SLC4A7: variants seen among roughly 807,000 people sequenced by gnomAD.
The protein encoded by SLC4A7 is solute carrier family 4 member 7.
Under a neutral mutation model 137.6 loss-of-function variants are expected in SLC4A7, and 51 were observed. That is an observed-to-expected ratio of 0.37 (90% CI 0.30 to 0.47). The LOEUF is 0.47. SLC4A7 is among the 20% of genes least tolerant of loss of function. SLC4A7 has a pLI of 1.00. For missense variants in SLC4A7, 1,247 were observed against 1,525.4 expected, an observed-to-expected ratio of 0.82 and a Z score of 3.04; for synonymous variants, 542 against 518.6, an observed-to-expected ratio of 1.05 and a Z score of -0.61.
chr3:27,376,851 T>C lies in SLC4A7; in HGVS notation c.3699-6A>G. The C allele has an allele frequency of 7.0e-7, 1 of 1,427,958 alleles. No homozygotes were observed. 88.5% of individuals were successfully genotyped at this position (1,427,958 alleles called of 1,614,324 possible). ...CACTCACAGGTTTATCAGGACTATT[T>C]AAAACAAAGAATTAAAATAAATAAT... On this transcript the variant is annotated splice_region_variant and splice_polypyrimidine_tract_variant and intron_variant, in intron 25 of 25. Transcript: ENST00000454389.
rs951268786 is a variant in SLC4A7, at chr3:27,472,437, T to C, written c.60+11630A>G. On this transcript the variant is annotated intron_variant, in intron 1 of 25. Coordinates refer to ENST00000454389, the MANE Select transcript of SLC4A7 (RefSeq NM_001321103.2). ...ACCCCATCTGTATGGGTTGCGTCACTGCACTCCAGCCTGGGCGACAGAATG... is the reference window on the plus strand; with the variant it reads ...ACCCCATCTGTATGGGTTGCGTCACCGCACTCCAGCCTGGGCGACAGAATG... Among the ~76,000 whole-genome samples the C allele has an allele frequency of 1.1e-4, 17 of 152,004 alleles. 1 individual carries two copies. Among genetic ancestry groups the C allele is most frequent in the Admixed American group, 7.9e-4 (12 of 15,256 alleles).
In SLC4A7 at chr3:27,431,553, T is replaced by C. The variant is rs772459349; in HGVS notation, c.895A>G (p.Arg299Gly). 5.6e-6 allele frequency: 9 copies of C among 1,614,078 alleles called. No individual in the cohort carries two copies. The highest frequency in any genetic ancestry group is 7.6e-6 in the Non-Finnish European group (9 of 1,179,984). Residue 299 changes from arginine to glycine, a missense_variant, in exon 7 of 26, where the codon AGA (arginine) becomes GGA (glycine). Arg to Gly is a moderately radical substitution (Grantham distance 125, BLOSUM62 -2). Coordinates refer to ENST00000454389, the MANE Select transcript of SLC4A7 (RefSeq NM_001321103.2). ...LLLGHLLPSS[R>G]AGTPAGSRCT... The stretch of plus-strand genomic sequence containing the variant: ...CTTGAGCCTGCAGGGGTTCCAGCTC[T>C]TGAAGAAGGAAGAAGATGACCAAGA...
At chr3:27,411,309 A>G (rs2053875138) in intron 12 of SLC4A7, among the ~76,000 whole-genome samples, 2 of 151,906 alleles carry the variant, frequency 1.3e-5, no homozygotes, top group South Asian at 4.2e-4. Context: ...TAATTCTCTA[A>G]CTCAATATGA....
intron 1 of SLC4A7, among the ~76,000 whole-genome samples, chr3:27,465,474 TAA>T (rs10564000): frequency 0.29 from 35,809 of 125,476 alleles, 4,882 homozygotes; most frequent in African/African-American, 0.37. Context: ...GTAGGCACAG[TAA>T]AAAAAAAAAA....
chr3:27,466,842 G>A (rs137966341), intron 1 of SLC4A7, among the ~76,000 whole-genome samples: 1 of 151,908 alleles, frequency 6.6e-6, no homozygotes, highest in Non-Finnish European at 1.5e-5. Flanking sequence ...GGGCAAAAGA[G>A]CAAGACTCCA....
intron 11 of SLC4A7, among the ~76,000 whole-genome samples, chr3:27,416,327 T>C (rs1461675607): frequency 1.3e-5 from 2 of 152,204 alleles, no homozygotes; most frequent in African/African-American, 2.4e-5. Context: ...CTATAGTTAA[T>C]TTTATGCAGT....
chr3:27,385,853 T>C, intron 23 of SLC4A7, 39 bp downstream of exon 23: 1 of 1,365,132 alleles, frequency 7.3e-7, no homozygotes, highest in Non-Finnish European at 1.0e-6. Context: ...AAATATTAAA[T>C]AAGGAAGTGG....
Position 27,372,994 on chromosome 3 carries a change from T to C in SLC4A7, c.*3770A>G, listed in dbSNP as rs1354548376. The C allele has an allele frequency of 2.0e-5, 3 of 150,266 alleles. No individual in the cohort carries two copies. The East Asian group carries it at 5.9e-4, about 29-fold the overall frequency. The allele number at this position is 150,266 out of a possible 1,614,324, so 9.3% of individuals were successfully genotyped here. ...TTACATCAAGGTATCAGATTTTATA[T>C]AAATGAACAATAAAATTCAATTTTT... On this transcript the variant is annotated 3_prime_UTR_variant, in exon 26 of 26. Transcript: ENST00000454389.
At chr3:27,447,522 G>GCT (rs1409628589) in intron 3 of SLC4A7, among the ~76,000 whole-genome samples, 1 of 151,914 alleles carries the variant, frequency 6.6e-6, no homozygotes, top group African/African-American at 2.4e-5. Context: ...ATAGCACATA[G>GCT]CTCTCTTTGC....
At chr3:27,387,579 T>C (rs1576116396) in intron 22 of SLC4A7, among the ~76,000 whole-genome samples, 1 of 152,206 alleles carries the variant, frequency 6.6e-6, no homozygotes, top group Non-Finnish European at 1.5e-5. Flanking sequence ...TTTTATAATA[T>C]GAAATCTTTA....
chr3:27,399,975 A>T (rs560852159), intron 16 of SLC4A7, among the ~76,000 whole-genome samples: 78 of 152,330 alleles, frequency 5.1e-4, no homozygotes, highest in African/African-American at 1.8e-3. Context: ...AAAATTTCAG[A>T]TAATATCCTT....
At chr3:27,433,769 C>T (rs1194510052) in intron 6 of SLC4A7, 147 bp downstream of exon 6, 9 of 625,562 alleles carry the variant, frequency 1.4e-5, no homozygotes, top group Non-Finnish European at 2.5e-5. Context: ...ATACAAGAGG[C>T]CTTGAAAAGA....
At chr3:27,409,257 T>C (rs753739868) in intron 13 of SLC4A7, 99 bp downstream of exon 13, 58 of 944,764 alleles carry the variant, frequency 6.1e-5, no homozygotes, top group Non-Finnish European at 9.1e-5. Context: ...ATGCTGTGGG[T>C]AGACTCTTCA....
intron 6 of SLC4A7, among the ~76,000 whole-genome samples, chr3:27,432,482 G>A (rs2056393847): frequency 6.6e-6 from 1 of 152,136 alleles, no homozygotes; most frequent in South Asian, 2.1e-4. Flanking sequence ...AAAAGGTCAT[G>A]CATACTTTTA....
chr3:27,433,938 G>A lies in SLC4A7; in HGVS notation c.756C>T (p.Asp252=). 6.2e-7 allele frequency: 1 copy of A among 1,613,724 alleles called. No homozygotes were observed. The highest frequency in any genetic ancestry group is 8.5e-7 in the Non-Finnish European group (1 of 1,179,832). Residue 252 remains aspartate (D), a synonymous_variant, in exon 6 of 26, where the codon GAC becomes GAT. Coordinates refer to ENST00000454389, the MANE Select transcript of SLC4A7 (RefSeq NM_001321103.2). ...SFADIGKKHS[D]PHLLERNGEG... ...CACCATTCCTTTCAAGCAAGTGAGG[G>A]TCAGAATGTTTCTTGCCTATATCTG...
chr3:27,377,060 T>C (rs939994337), intron 25 of SLC4A7, among the ~76,000 whole-genome samples: 1 of 152,082 alleles, frequency 6.6e-6, no homozygotes, highest in Non-Finnish European at 1.5e-5. Context: ...AAAATCCTCT[T>C]TGCAATTTAA....
At chr3:27,478,078 A>C (rs1163709844) in intron 1 of SLC4A7, among the ~76,000 whole-genome samples, 1 of 152,202 alleles carries the variant, frequency 6.6e-6, no homozygotes, top group Non-Finnish European at 1.5e-5. Context: ...TCTGACTGAA[A>C]AGAAGCAATA....
At chr3:27,460,068 G>C (rs982328659) in intron 1 of SLC4A7, among the ~76,000 whole-genome samples, 1 of 146,502 alleles carries the variant, frequency 6.8e-6, no homozygotes, top group Non-Finnish European at 1.5e-5. Flanking sequence ...ACAGGGTCTC[G>C]CTCTGTCGCC....
At chr3:27,393,484 A>G (rs1187466051) in intron 20 of SLC4A7, among the ~76,000 whole-genome samples, 1 of 152,252 alleles carries the variant, frequency 6.6e-6, no homozygotes, top group East Asian at 1.9e-4. Context: ...ATTTATCAAT[A>G]CAAAAAATGA....
Sources: allele counts gnomAD v4.1 joint callset (sites outside exome capture counted in the v4.1 genomes callset), GRCh38; gene constraint gnomAD v4.1.1; transcripts MANE v1.5; gene names NCBI Gene and HGNC (gene_info 2026-07-23, HGNC 2026-07-21).